Variants in ZPBP observed in about 807,000 individuals in gnomAD.
ZPBP encodes the protein zona pellucida binding protein.
A neutral mutation model predicts 44.8 loss-of-function variants in ZPBP; 26 were observed. That is an observed-to-expected ratio of 0.58 (90% CI 0.43 to 0.81). The LOEUF (loss-of-function observed/expected upper bound fraction) is 0.81, where lower values mean the gene tolerates loss of function less well. ZPBP is among the 30% of genes least tolerant of loss of function. The pLI is 0.00. For missense variants in ZPBP, 409 were observed against 434.0 expected (o/e 0.94, Z 0.51); for synonymous variants, 174 against 153.2 (o/e 1.14, Z -1.00).
chr7:50,084,350 CA>C (rs35709176), intron 2 of ZPBP, among the ~76,000 whole-genome samples: 1,444 of 124,210 alleles, frequency 0.012, 20 homozygotes, highest in African/African-American at 0.031. Flanking sequence ...GAACATGTAC[CA>C]AAAAAAAAAA....
intron 6 of ZPBP, among the ~76,000 whole-genome samples, chr7:50,017,493 A>C (rs781641343): frequency 3.3e-5 from 5 of 152,130 alleles, no homozygotes; most frequent in Non-Finnish European, 5.9e-5. Flanking sequence ...GTGGCCAAGG[A>C]GTTGGGGATG....
chr7:50,017,761 T>C (rs1798887428), intron 6 of ZPBP, among the ~76,000 whole-genome samples: 1 of 152,114 alleles, frequency 6.6e-6, no homozygotes, highest in Non-Finnish European at 1.5e-5. Context: ...TCATTGAACA[T>C]GAACAATATG....
intron 1 of ZPBP, among the ~76,000 whole-genome samples, chr7:50,090,549 G>GTA (rs1802918517): frequency 6.6e-6 from 1 of 150,564 alleles, no homozygotes; most frequent in African/African-American, 2.5e-5. Context: ...ATATATGTGT[G>GTA]CATATATATG....
chr7:49,974,293 T>A (rs1421171313), intron 7 of ZPBP, among the ~76,000 whole-genome samples: 1 of 152,170 alleles, frequency 6.6e-6, no homozygotes, highest in East Asian at 1.9e-4. Context: ...GTATATTTTA[T>A]GCCATGCATA....
chr7:49,999,557 G>A (rs142828092), intron 6 of ZPBP, among the ~76,000 whole-genome samples: 87 of 152,232 alleles, frequency 5.7e-4, no homozygotes, highest in African/African-American at 1.9e-3. Flanking sequence ...AGCCAGTGGT[G>A]TAAATTCCAG....
At chr7:49,880,552 T>A (rs1313717691) in intron 2 of ZPBP, among the ~76,000 whole-genome samples, 1 of 151,630 alleles carries the variant, frequency 6.6e-6, no homozygotes, top group Non-Finnish European at 1.5e-5. Context: ...TTTTATAAAT[T>A]GTGATTTTTT....
intron 3 of ZPBP, among the ~76,000 whole-genome samples, chr7:50,060,477 G>A (rs1801188332): frequency 6.6e-6 from 1 of 152,068 alleles, no homozygotes; most frequent in African/African-American, 2.4e-5. Context: ...TGACAAAGGG[G>A]ACATTACCAC....
At chr7:49,936,599 G>A (rs78680656), downstream of ZPBP, among the ~76,000 whole-genome samples, 192 of 152,318 alleles carry the variant, frequency 1.3e-3, no homozygotes, top group African/African-American at 4.5e-3. Context: ...GCATGCTGGA[G>A]AGAGAAAGCT....
chr7:49,936,406 C>G (rs1794622155), downstream of ZPBP, among the ~76,000 whole-genome samples: 2 of 152,130 alleles, frequency 1.3e-5, no homozygotes, highest in South Asian at 4.1e-4. Flanking sequence ...TTGTACATAG[C>G]ATGGAAAAAT....
chr7:49,952,107 C>G (rs1795368228), intron 7 of ZPBP, among the ~76,000 whole-genome samples: 1 of 151,660 alleles, frequency 6.6e-6, no homozygotes, highest in Admixed American at 6.6e-5. Context: ...ACGGGGTTTC[C>G]TTTTTGAAGT....
At chr7:50,008,500 T>G (rs1168083186) in intron 6 of ZPBP, among the ~76,000 whole-genome samples, 1 of 152,086 alleles carries the variant, frequency 6.6e-6, no homozygotes, top group East Asian at 1.9e-4. Flanking sequence ...CCATTTTTTT[T>G]GCAGAAATAG....
At chr7:49,901,661 A>T (rs1792735396) in intron 1 of ZPBP, among the ~76,000 whole-genome samples, 2 of 151,934 alleles carry the variant, frequency 1.3e-5, no homozygotes, top group African/African-American at 4.8e-5. Context: ...ACAAAATCCC[A>T]GGAAGCAATT....
intron 4 of ZPBP, among the ~76,000 whole-genome samples, chr7:50,049,256 C>T (rs6943467): frequency 0.49 from 74,682 of 151,696 alleles, 19,040 homozygotes; most frequent in East Asian, 0.67. Flanking sequence ...ATATTAGCAA[C>T]AATTCTTCAC....
intron 1 of ZPBP, among the ~76,000 whole-genome samples, chr7:49,902,489 T>C (rs1205082696): frequency 2.0e-5 from 3 of 151,748 alleles, no homozygotes; most frequent in Admixed American, 6.6e-5. Flanking sequence ...GAAAGGGTAG[T>C]TTTTTGTTTG....
intron 2 of ZPBP, among the ~76,000 whole-genome samples, chr7:49,892,288 T>C (rs910794976): frequency 1.3e-5 from 2 of 151,914 alleles, no homozygotes; most frequent in Non-Finnish European, 2.9e-5. Flanking sequence ...CCTCGTGATC[T>C]GCCCGCCTCG....
chr7:50,033,929 G>T (rs1799715444), intron 4 of ZPBP, among the ~76,000 whole-genome samples: 1 of 151,996 alleles, frequency 6.6e-6, no homozygotes. Context: ...CTGACCTCAG[G>T]TGATCCACTT....
At chr7:50,015,146 A>T (rs1050993498) in intron 6 of ZPBP, among the ~76,000 whole-genome samples, 4 of 152,162 alleles carry the variant, frequency 2.6e-5, no homozygotes, top group African/African-American at 9.6e-5. Flanking sequence ...AAACCAAATA[A>T]GAAACTTCTG....
chr7:49,865,437 G>C (rs561377943), intron 2 of ZPBP, among the ~76,000 whole-genome samples: 1 of 152,216 alleles, frequency 6.6e-6, no homozygotes, highest in African/African-American at 2.4e-5. Flanking sequence ...GCAAAACGTA[G>C]TGGCTTCAAG....
chr7:50,088,537 A>C (rs1802786411), intron 2 of ZPBP, among the ~76,000 whole-genome samples: 3 of 152,160 alleles, frequency 2.0e-5, no homozygotes, highest in Admixed American at 2.0e-4. Context: ...AATATATAGA[A>C]TATATAAAGA....
Sources: allele counts gnomAD v4.1 joint callset (sites outside exome capture counted in the v4.1 genomes callset), GRCh38; gene constraint gnomAD v4.1.1; transcripts MANE v1.5; gene names NCBI Gene and HGNC (gene_info 2026-07-23, HGNC 2026-07-21).